The following GRM5 variants were observed in gnomAD, a reference collection of about 807,000 sequenced individuals.
GRM5 encodes the protein glutamate metabotropic receptor 5.
Under a neutral mutation model 83.1 loss-of-function variants are expected in GRM5, and 19 were observed. The ratio of observed to expected loss-of-function variants is 0.23; its 90% CI spans 0.16 to 0.34. GRM5 has a LOEUF of 0.34. GRM5 is among the 10% of genes least tolerant of loss of function. The probability of loss-of-function intolerance (pLI) is 1.00; values close to 1 mark genes in which losing one functional copy is unlikely to be tolerated. For missense variants in GRM5, 1,160 were observed against 1,588.3 expected, an observed-to-expected ratio of 0.73 and a Z score of 4.58; for synonymous variants, 675 against 633.6, an observed-to-expected ratio of 1.07 and a Z score of -0.98.
At chr11:88,740,343 A>G in intron 3 of GRM5, among the ~76,000 whole-genome samples, 1 of 151,958 alleles carries the variant, frequency 6.6e-6, no homozygotes, top group East Asian at 1.9e-4. Context: ...ATATTTAGTT[A>G]TTTACCTTTC....
At chr11:88,597,565 G>T in intron 5 of GRM5, among the ~76,000 whole-genome samples, 1 of 152,038 alleles carries the variant, frequency 6.6e-6, no homozygotes, top group East Asian at 1.9e-4. Flanking sequence ...ACCTGAAATA[G>T]AAAGTAATCC....
At chr11:88,787,316 C>T (rs1037175722) in intron 3 of GRM5, among the ~76,000 whole-genome samples, 1 of 151,600 alleles carries the variant, frequency 6.6e-6, no homozygotes, top group Non-Finnish European at 1.5e-5. Flanking sequence ...TAAAAAATAT[C>T]CAGGGCAGGA....
chr11:88,619,954 A>C (rs1403116271), intron 4 of GRM5, among the ~76,000 whole-genome samples: 4 of 152,072 alleles, frequency 2.6e-5, no homozygotes, highest in African/African-American at 9.7e-5. Context: ...CCCTACTGTC[A>C]TTTATTTTGT....
intron 3 of GRM5, among the ~76,000 whole-genome samples, chr11:88,844,364 ACACAC>A (rs1944260939): frequency 8.6e-6 from 1 of 115,710 alleles, no homozygotes; most frequent in Non-Finnish European, 1.6e-5. Flanking sequence ...TACTACACAC[ACACAC>A]ACACACACAC....
intron 4 of GRM5, among the ~76,000 whole-genome samples, chr11:88,649,382 GTATTATA>G (rs1028597124): frequency 8.8e-5 from 12 of 136,610 alleles, no homozygotes; most frequent in African/African-American, 2.4e-4. Flanking sequence ...CATATATTAT[GTATTATA>G]TATTATATAT....
At chr11:88,884,735 TA>T (rs376821962) in intron 2 of GRM5, among the ~76,000 whole-genome samples, 11 of 152,250 alleles carry the variant, frequency 7.2e-5, no homozygotes, top group Admixed American at 2.0e-4. Flanking sequence ...CGGTAGTGAA[TA>T]AATCTTATGA....
chr11:88,558,731 G>A (rs1044078232), intron 8 of GRM5, among the ~76,000 whole-genome samples: 1 of 147,374 alleles, frequency 6.8e-6, no homozygotes, highest in Non-Finnish European at 1.5e-5. Flanking sequence ...AAACTGAGAG[G>A]TGGAGGTTGC....
chr11:88,550,846 GT>G (rs1942491556), intron 8 of GRM5, among the ~76,000 whole-genome samples: 1 of 152,082 alleles, frequency 6.6e-6, no homozygotes, highest in South Asian at 2.1e-4. Flanking sequence ...CAATCTTAGT[GT>G]TTATAATTTC....
rs1354466965 is a variant in GRM5 at position 88,796,906 on chromosome 11, G to A, written c.911+53000C>T. On this transcript the variant is annotated intron_variant, in intron 3 of 9. Transcript: ENST00000305447. ...AAAGTACACACACACACACGTGTGT[G>A]TGTGTGTGTGTGTGTGTGTGTGTGT... Among the ~76,000 whole-genome samples, 3 of 11,162 alleles carry A rather than the reference G, an allele frequency of 2.7e-4. No individual in the cohort carries two copies. The African/African-American group carries it at 3.2e-3, about 12-fold the overall frequency. The allele number at this position is 11,162 out of a possible 152,430, so 7.3% of individuals were successfully genotyped here. A position where few individuals can be genotyped will look rare whatever the true frequency, so the allele number is the denominator to read the frequency against.
intron 3 of GRM5, among the ~76,000 whole-genome samples, chr11:88,714,737 T>A (rs926857028): frequency 3.9e-5 from 6 of 152,030 alleles, no homozygotes; most frequent in African/African-American, 1.4e-4. Flanking sequence ...TTTCCTGTGA[T>A]GCATATTGAC....
At chr11:88,523,215 C>T (rs1941752510) in intron 9 of GRM5, among the ~76,000 whole-genome samples, 2 of 152,164 alleles carry the variant, frequency 1.3e-5, no homozygotes, top group South Asian at 4.1e-4. Context: ...GCACTGGCTT[C>T]TTTGAGATGA....
intron 3 of GRM5, among the ~76,000 whole-genome samples, chr11:88,808,141 A>G (rs1943528272): frequency 6.6e-6 from 1 of 152,018 alleles, no homozygotes; most frequent in South Asian, 2.1e-4. Context: ...TAGAAGAGAC[A>G]TTTTACATAG....
intron 2 of GRM5, among the ~76,000 whole-genome samples, chr11:88,875,081 T>TG (rs922243666): frequency 1.7e-4 from 14 of 81,080 alleles, no homozygotes. Flanking sequence ...ATGAATTGAC[T>TG]GTTTTTTTTT....
At chr11:88,979,802 AG>A (rs1281767645) in intron 2 of GRM5, among the ~76,000 whole-genome samples, 1 of 152,108 alleles carries the variant, frequency 6.6e-6, no homozygotes, top group Non-Finnish European at 1.5e-5. Context: ...ACTTCCTAAT[AG>A]GGGCTTGAGC....
At chr11:88,625,755 A>G (rs1938776493) in intron 4 of GRM5, among the ~76,000 whole-genome samples, 2 of 152,206 alleles carry the variant, frequency 1.3e-5, no homozygotes, top group Non-Finnish European at 2.9e-5. Context: ...AAATGTGTGC[A>G]TATAGCCCCA....
chr11:88,697,713 T>C (rs867444603), intron 3 of GRM5, among the ~76,000 whole-genome samples: 5 of 152,372 alleles, frequency 3.3e-5, no homozygotes, highest in Middle Eastern at 6.8e-3. Flanking sequence ...ATAACTTTTA[T>C]TAATTTCCTA....
Position 88,509,428 on chromosome 11 carries a change from T to G in GRM5, c.2803A>C (p.Ile935Leu), listed in dbSNP as rs1941300559. ...GGGTTTTCTTTCTTGTTGATGTGGA[T>G]GGACAGGCGCTGCCACAGGTGCTGC... ...RGQHLWQRLS[I>L]HINKKENPNQ... The change falls in exon 10 of 10, where the codon ATC becomes CTC. Residue 935 changes from isoleucine (I) to leucine (L), a missense_variant. By Grantham distance (5) the Ile-to-Leu change is conservative. Coordinates refer to ENST00000305447, the MANE Select transcript of GRM5 (RefSeq NM_001143831.3). 2 of 1,612,596 alleles carry G rather than the reference T, an allele frequency of 1.2e-6. No homozygotes were observed. Among genetic ancestry groups the G allele is most frequent in the East Asian group, 2.2e-5 (1 of 44,852 alleles).
intron 2 of GRM5, among the ~76,000 whole-genome samples, chr11:88,957,743 G>A (rs1938667122): frequency 6.6e-6 from 1 of 152,006 alleles, no homozygotes; most frequent in African/African-American, 2.4e-5. Context: ...ATTAGTTCAT[G>A]CTTTAAAATG....
Position 88,590,677 on chromosome 11 carries a change from C to T in GRM5, c.1614G>A (p.Lys538=). ...ACTCATCAAAGACATACTCATTCTCCTTACAAGGTGTACAGGTCCAACAAC... is the reference window on the plus strand; with the variant it reads ...ACTCATCAAAGACATACTCATTCTCTTTACAAGGTGTACAGGTCCAACAAC... ...VSCCWTCTPC[K]ENEYVFDEYT... is the part of the protein sequence containing the mutation. Residue 538 remains lysine, a synonymous_variant, in exon 7 of 10, where the codon AAG becomes AAA. Coordinates refer to ENST00000305447, the MANE Select transcript of GRM5 (RefSeq NM_001143831.3). 1.9e-6 allele frequency: 3 copies of T among 1,609,552 alleles called. No individual in the cohort carries two copies. The highest frequency in any genetic ancestry group is 1.1e-5 in the South Asian group (1 of 90,964).
Sources: allele counts gnomAD v4.1 joint callset (sites outside exome capture counted in the v4.1 genomes callset), GRCh38; gene constraint gnomAD v4.1.1; transcripts MANE v1.5; gene names NCBI Gene and HGNC (gene_info 2026-07-23, HGNC 2026-07-21).